The following COP1 variants were observed in gnomAD, a reference collection of about 807,000 sequenced individuals.
COP1 encodes COP1 E3 ubiquitin ligase.
COP1 carries 24 observed loss-of-function variants against 101.3 expected under a neutral mutation model. The observed-to-expected ratio is 0.24, with a 90% CI of 0.17 to 0.33. COP1 has a LOEUF of 0.33. Among genes scored for constraint, COP1 ranks in the 10% least tolerant of loss-of-function variants. The probability of loss-of-function intolerance (pLI) is 1.00; values close to 1 mark genes in which losing one functional copy is unlikely to be tolerated. For missense variants in COP1, 663 were observed against 906.2 expected (o/e 0.73, Z 3.45); for synonymous variants, 347 against 341.9 (o/e 1.01, Z -0.17).
At chr1:176,007,179 T>C (rs1294011469) in intron 15 of COP1, among the ~76,000 whole-genome samples, 1 of 152,100 alleles carries the variant, frequency 6.6e-6, no homozygotes, top group Non-Finnish European at 1.5e-5. Flanking sequence ...TCTCGAGCCT[T>C]GGTTTTCAGC....
At chr1:176,137,126 C>T (rs11584179) in intron 6 of COP1, among the ~76,000 whole-genome samples, 2,344 of 152,256 alleles carry the variant, frequency 0.015, 31 homozygotes, top group Non-Finnish European at 0.022. Flanking sequence ...AAGTCAGTAT[C>T]TTAACACTTC....
chr1:176,082,779 T>G (rs1250100089), intron 10 of COP1, among the ~76,000 whole-genome samples: 1 of 150,182 alleles, frequency 6.7e-6, no homozygotes, highest in Non-Finnish European at 1.5e-5. Context: ...CATTCCAGCC[T>G]GGGCAACGAG....
chr1:175,993,859 G>T (rs1325792748), intron 15 of COP1, among the ~76,000 whole-genome samples: 1 of 152,126 alleles, frequency 6.6e-6, no homozygotes, highest in Non-Finnish European at 1.5e-5. Context: ...ATCTAGCAAG[G>T]CAGGCCAACT....
intron 18 of COP1, among the ~76,000 whole-genome samples, chr1:175,961,352 T>C (rs1055233595): frequency 6.6e-6 from 1 of 152,220 alleles, no homozygotes; most frequent in Admixed American, 6.5e-5. Flanking sequence ...GTCGTTTCAT[T>C]ATACAGTAGT....
intron 15 of COP1, among the ~76,000 whole-genome samples, chr1:176,005,427 C>CT (rs1180683568): frequency 6.6e-6 from 1 of 151,958 alleles, no homozygotes; most frequent in Admixed American, 6.5e-5. Flanking sequence ...TTTTCTAGTT[C>CT]TTTTAATTGT....
chr1:176,201,056 T>C (rs1700215024), intron 1 of COP1, among the ~76,000 whole-genome samples: 1 of 152,168 alleles, frequency 6.6e-6, no homozygotes, highest in African/African-American at 2.4e-5. Flanking sequence ...TCCAAAATCA[T>C]GCAAAATCAA....
chr1:175,950,122 T>C (rs2148485801), intron 18 of COP1, among the ~76,000 whole-genome samples: 2 of 152,100 alleles, frequency 1.3e-5, no homozygotes, highest in Middle Eastern at 6.8e-3. Context: ...TCAGGATTAC[T>C]ATGGCATTAA....
chr1:176,183,578 A>G (rs1698059830), intron 2 of COP1, among the ~76,000 whole-genome samples: 1 of 152,124 alleles, frequency 6.6e-6, no homozygotes, highest in East Asian at 1.9e-4. Context: ...AAATTACCAC[A>G]TGATCCAGCA....
chr1:176,204,054 G>C (rs754537741), intron 1 of COP1, among the ~76,000 whole-genome samples: 7 of 152,124 alleles, frequency 4.6e-5, no homozygotes, highest in Non-Finnish European at 8.8e-5. Flanking sequence ...TCCAATCTGT[G>C]CCGTTTAAGA....
Position 176,184,926 on chromosome 1 carries a change from G to C in COP1, c.408-234C>G, listed in dbSNP as rs112300770. On this transcript the variant is annotated intron_variant, in intron 1 of 19. Transcript: ENST00000367669. ...AAGGGTCACTGAGCTTCAAAATGAA[G>C]TCAATGAGTAAATCAAAATGGTTCC... is the stretch of plus-strand genomic sequence containing the variant. Among the ~76,000 whole-genome samples, 400 of 152,196 alleles carry C rather than the reference G, an allele frequency of 2.6e-3. 3 individuals carry two copies. The highest frequency in any genetic ancestry group is 9.2e-3 in the African/African-American group (382 of 41,546).
rs115597576 is a variant in COP1 at position 176,052,464 on chromosome 1, A to G, written c.1278-6140T>C. Among the ~76,000 whole-genome samples, 802 of 152,258 alleles carry G rather than the reference A, an allele frequency of 5.3e-3. 4 individuals are homozygous for G. The highest frequency in any genetic ancestry group is 0.018 in the African/African-American group (766 of 41,554). On this transcript the variant is annotated intron_variant, in intron 11 of 19. Transcript: ENST00000367669. ...CTACTCCTGAAATTTCCCTCTTCCAATCGATTTTAAAGACTGAATTAGGAT... is the reference window on the plus strand; with the variant it reads ...CTACTCCTGAAATTTCCCTCTTCCAGTCGATTTTAAAGACTGAATTAGGAT...
At position 176,081,294 on chromosome 1, in the gene COP1, G is replaced by GAAAAAAAAAAAAAAA. The variant is rs56720201; in HGVS notation, c.1142-22_1142-8dup. The GAAAAAAAAAAAAAAA allele has an allele frequency of 9.9e-7, 1 of 1,008,788 alleles. No homozygotes were observed. The highest frequency in any genetic ancestry group is 2.3e-5 in the African/African-American group (1 of 44,170). The allele number at this position is 1,008,788 out of a possible 1,614,324, so 62.5% of individuals were successfully genotyped here. On this transcript the variant is annotated splice_region_variant and splice_polypyrimidine_tract_variant and intron_variant, in intron 10 of 19. Coordinates refer to ENST00000367669, the MANE Select transcript of COP1 (RefSeq NM_022457.7). ...CTTGCAGTTCGACTGTCATCTATAT[G>GAAAAAAAAAAAAAAA]AAAAAAAAAAAAAAAAGACAAAACA...
At chr1:176,012,945 TC>T (rs1664944125) in intron 15 of COP1, among the ~76,000 whole-genome samples, 1 of 152,190 alleles carries the variant, frequency 6.6e-6, no homozygotes, top group Non-Finnish European at 1.5e-5. Context: ...CATTATGTAG[TC>T]CCTAGGTATC....
intron 18 of COP1, among the ~76,000 whole-genome samples, chr1:175,951,459 TATAA>T (rs34837285): frequency 0.38 from 48,641 of 129,008 alleles, 11,130 homozygotes; most frequent in East Asian, 0.44. Context: ...TATATATATA[TATAA>T]AAACTTCCAT....
chr1:176,183,285 G>A (rs1224444728), intron 2 of COP1, among the ~76,000 whole-genome samples: 1 of 151,986 alleles, frequency 6.6e-6, no homozygotes, highest in Non-Finnish European at 1.5e-5. Flanking sequence ...TAAAATTACG[G>A]GCCTGATTTC....
intron 1 of COP1, among the ~76,000 whole-genome samples, chr1:176,193,152 T>C (rs1309977204): frequency 6.6e-6 from 1 of 152,028 alleles, no homozygotes; most frequent in East Asian, 1.9e-4. Flanking sequence ...AATAAATGAA[T>C]GGCCAACAAG....
intron 3 of COP1, among the ~76,000 whole-genome samples, chr1:176,171,121 T>G (rs968597908): frequency 4.0e-5 from 3 of 75,488 alleles, no homozygotes; most frequent in African/African-American, 1.7e-4. Flanking sequence ...CGAGACTCCA[T>G]CTCAAAAAAA....
At chr1:176,086,371 G>A (rs943044725) in intron 9 of COP1, among the ~76,000 whole-genome samples, 8 of 151,526 alleles carry the variant, frequency 5.3e-5, no homozygotes, top group African/African-American at 1.9e-4. Context: ...GACTACAGCC[G>A]CCCGCCACCA....
chr1:176,046,629 T>C (rs1671567495), intron 11 of COP1, among the ~76,000 whole-genome samples: 1 of 152,104 alleles, frequency 6.6e-6, no homozygotes, highest in South Asian at 2.1e-4. Flanking sequence ...GAGAAAGATT[T>C]AATGGCGTGA....
Sources: gnomAD v4.1 joint callset for allele counts (sites outside exome capture counted in the v4.1 genomes callset) on GRCh38, gnomAD v4.1.1 for gene constraint, MANE v1.5 for transcripts, NCBI Gene and HGNC (gene_info 2026-07-23, HGNC 2026-07-21) for gene names.